Variants in BCORL1 observed in about 807,000 individuals in gnomAD.
BCORL1 encodes BCL-6 corepressor-like protein 1.
In BCORL1, 7 loss-of-function variants were observed where a neutral mutation model predicts 87.6. That is an observed-to-expected ratio of 0.08 (90% confidence interval 0.05 to 0.15). The LOEUF (loss-of-function observed/expected upper bound fraction) is 0.15. Among genes scored for constraint, BCORL1 ranks in the 10% least tolerant of loss-of-function variants. BCORL1 has a pLI of 1.00. For missense variants in BCORL1, 1,215 were observed against 1,499.7 expected (o/e 0.81, Z 3.13); for synonymous variants, 591 against 634.4 (o/e 0.93, Z 1.03).
Position 130,028,691 on chromosome X carries a change from A to T in BCORL1, c.4135A>T (p.Arg1379Trp), listed in dbSNP as rs1408428116. The part of the protein sequence containing the change: ...SSSQSLEHRL[R>W]NRNLLLPNKV... ...CTCCCAAAGTTTGGAGCACCGCCTC[A>T]GGAACAGGAACCTTCTCTTGCCCAA... Residue 1379 changes from arginine (R) to tryptophan (W), a missense_variant, in exon 8 of 14, where the codon AGG (arginine) becomes TGG (tryptophan). Arg to Trp is a moderately radical substitution (Grantham distance 101). This residue lies in a region of BCORL1 where 166 missense variants were observed against 196.5 expected (regional missense o/e 0.84). Coordinates refer to ENST00000540052, the MANE Select transcript of BCORL1 (RefSeq NM_001379451.1). 1 of 1,211,200 alleles carries T rather than the reference A, an allele frequency of 8.3e-7. No individual in the cohort carries two copies. The highest frequency in any genetic ancestry group is 3.0e-5 in the East Asian group (1 of 33,812).
At chrX:130,006,453 C>T (rs890303175) in intron 2 of BCORL1, among the ~76,000 whole-genome samples, 4 of 107,797 alleles carry the variant, frequency 3.7e-5, no homozygotes, top group Admixed American at 2.0e-4. Flanking sequence ...CTCTGCCTCC[C>T]GGGTTCACGC....
intron 4 of BCORL1, among the ~76,000 whole-genome samples, chrX:130,019,133 C>T (rs747016586): frequency 2.7e-5 from 3 of 112,340 alleles, no homozygotes; most frequent in Admixed American, 9.4e-5. Context: ...TCATCTCTCA[C>T]GGTCTCCCCA....
chrX:130,030,013 C>T (rs1930489827), intron 8 of BCORL1, among the ~76,000 whole-genome samples: 1 of 110,921 alleles, frequency 9.0e-6, no homozygotes, highest in African/African-American at 3.3e-5. Context: ...AGGTGGGAGC[C>T]CCAAGTGCTC....
intron 1 of BCORL1, among the ~76,000 whole-genome samples, chrX:129,983,175 C>G (rs982019641): frequency 2.7e-5 from 3 of 109,676 alleles, no homozygotes; most frequent in Non-Finnish European, 5.7e-5. Context: ...CTTCTCGACC[C>G]CCTTCTCTCT....
At chrX:129,997,391 C>G (rs2124364849) in intron 1 of BCORL1, among the ~76,000 whole-genome samples, 1 of 111,023 alleles carries the variant, frequency 9.0e-6, no homozygotes, top group East Asian at 2.8e-4. Flanking sequence ...CACACCTGCC[C>G]TTGTCTTCTA....
chrX:130,041,337 T>C (rs1378835708), intron 11 of BCORL1, among the ~76,000 whole-genome samples: 1 of 108,216 alleles, frequency 9.2e-6, no homozygotes, highest in Non-Finnish European at 1.9e-5. Flanking sequence ...GTTTCTCTTA[T>C]CTTTCTGTCT....
chrX:130,021,386 C>A, intron 5 of BCORL1: 1 of 512,619 alleles, frequency 2.0e-6, no homozygotes. Flanking sequence ...GGTTTTCCGA[C>A]ACAAACACCA....
At chrX:130,031,089 C>T (rs988709198) in intron 8 of BCORL1, among the ~76,000 whole-genome samples, 1 of 113,083 alleles carries the variant, frequency 8.8e-6, no homozygotes, top group Non-Finnish European at 1.9e-5. Context: ...TCTTGCTCCT[C>T]CCCCTCCCAG....
chrX:129,989,170 C>T (rs964474571), intron 1 of BCORL1, among the ~76,000 whole-genome samples: 3 of 110,748 alleles, frequency 2.7e-5, no homozygotes, highest in Admixed American at 1.9e-4. Flanking sequence ...GAGTCTCACT[C>T]TGTCACCCAG....
chrX:129,997,511 C>T (rs929781202), intron 1 of BCORL1, among the ~76,000 whole-genome samples: 3 of 110,570 alleles, frequency 2.7e-5, no homozygotes, highest in Non-Finnish European at 3.8e-5. Context: ...AAAGTTATTG[C>T]GGCCAGGCAC....
In BCORL1 at chrX:130,043,770, ATATATATATATATATTTTTTTT is replaced by A. The variant is rs1931523546; in HGVS notation, c.4840+4490_4840+4511del. Among the ~76,000 whole-genome samples the A allele has an allele frequency of 1.1e-4, 2 of 18,965 alleles. 1 individual carries two copies. Among genetic ancestry groups the A allele is most frequent in the African/African-American group, 8.0e-4 (2 of 2,508 alleles). The allele number at this position is 18,965 out of a possible 115,157, so 16.5% of individuals were successfully genotyped here. On this transcript the variant is annotated intron_variant, in intron 11 of 13. Transcript: ENST00000540052. ...GTTATATATATATATATATATATATATATATATATATATATTTTTTTTTTTTTTTTTTTTTGAGACGGAGGCT... is the reference window on the plus strand; with the variant it reads ...GTTATATATATATATATATATATATATTTTTTTTTTTTTGAGACGGAGGCT...
At chrX:130,007,198 C>T (rs1191668130) in intron 2 of BCORL1, among the ~76,000 whole-genome samples, 1 of 111,892 alleles carries the variant, frequency 8.9e-6, no homozygotes. Context: ...TTTTCTTAAG[C>T]CATTAGTGCC....
At chrX:129,988,806 G>A (rs1926825996) in intron 1 of BCORL1, among the ~76,000 whole-genome samples, 1 of 111,641 alleles carries the variant, frequency 9.0e-6, no homozygotes, top group Non-Finnish European at 1.9e-5. Flanking sequence ...GGGTACTGTT[G>A]AGTTTTGTTA....
chrX:129,984,332 G>T (rs1926413646), intron 1 of BCORL1, among the ~76,000 whole-genome samples: 1 of 106,964 alleles, frequency 9.3e-6, no homozygotes, highest in African/African-American at 3.4e-5. Context: ...CGTCCTGGGG[G>T]CGGGGGCAGG....
intron 1 of BCORL1, among the ~76,000 whole-genome samples, chrX:129,985,816 T>C (rs1371625606): frequency 1.8e-5 from 2 of 111,149 alleles, no homozygotes; most frequent in Non-Finnish European, 1.9e-5. Flanking sequence ...GGGCTGATCC[T>C]GATACCAGCT....
At position 130,056,330 on chromosome X, in the gene BCORL1, G is replaced by T. The variant is rs917051693; in HGVS notation, c.*194G>T. ...GGTTACAATTAGTTCTCATCTCCCT[G>T]TCGTCGTCATTGTTATCGTGGTTGC... On this transcript the variant is annotated 3_prime_UTR_variant, in exon 14 of 14. Coordinates refer to ENST00000540052, the MANE Select transcript of BCORL1 (RefSeq NM_001379451.1). The T allele has an allele frequency of 2.5e-6, 1 of 402,851 alleles. No individual in the cohort carries two copies. Among genetic ancestry groups the T allele is most frequent in the African/African-American group, 2.5e-5 (1 of 39,535 alleles). The allele number at this position is 402,851 out of a possible 1,213,427, so 33.2% of individuals were successfully genotyped here. A position where few individuals can be genotyped will look rare whatever the true frequency, so the allele number is the denominator to read the frequency against.
At chrX:130,010,020 C>T (rs1020830845) in intron 2 of BCORL1, among the ~76,000 whole-genome samples, 2 of 111,963 alleles carry the variant, frequency 1.8e-5, no homozygotes, top group East Asian at 2.8e-4. Context: ...CATTTTGCAG[C>T]GCCTTCGGGG....
At chrX:129,983,642 C>T (rs1344822452) in intron 1 of BCORL1, among the ~76,000 whole-genome samples, 3 of 104,807 alleles carry the variant, frequency 2.9e-5, no homozygotes, top group African/African-American at 1.1e-4. Context: ...ATCCGAGTCC[C>T]TGGAAAAAAG....
At chrX:130,045,076 T>C (rs977200882) in intron 11 of BCORL1, among the ~76,000 whole-genome samples, 2 of 111,955 alleles carry the variant, frequency 1.8e-5, no homozygotes, top group Admixed American at 9.5e-5. Flanking sequence ...GTGAACCCTT[T>C]CTACCTCATG....
Sources: gnomAD v4.1 joint callset for allele counts (sites outside exome capture counted in the v4.1 genomes callset) on GRCh38, gnomAD v4.1.1 for gene constraint, gnomAD v4.1.1 regional missense constraint, MANE v1.5 for transcripts, NCBI Gene and HGNC (gene_info 2026-07-23, HGNC 2026-07-21) for gene names.